ITGA7: variants seen among roughly 807,000 people sequenced by gnomAD.
ITGA7 encodes the protein integrin alpha-7.
Under a neutral mutation model 131.6 loss-of-function variants are expected in ITGA7, and 84 were observed. The ratio of observed to expected loss-of-function variants is 0.64; its 90% CI spans 0.54 to 0.77. The LOEUF is 0.77. Ranked by LOEUF, ITGA7 falls within the 30% of genes least tolerant of loss-of-function variation. ITGA7 has a pLI of 0.00. For missense variants in ITGA7, 1,399 were observed against 1,482.9 expected (o/e 0.94, Z 0.93); for synonymous variants, 548 against 600.7 (o/e 0.91, Z 1.28).
chr12:55,685,172 C>T lies in ITGA7; in HGVS notation c.3300G>A (p.Leu1100=). 6.2e-7 allele frequency: 1 copy of T among 1,614,150 alleles called. No homozygotes were observed. The highest frequency in any genetic ancestry group is 8.5e-7 in the Non-Finnish European group (1 of 1,180,022). Residue 1100 remains leucine, a synonymous_variant, in exon 25 of 25, where the codon CTG becomes CTA. Transcript: ENST00000257879. ...GCCGGGGGCTGCCCCAGTTGTTCCTCAGGATGGTGCCCGTCTTCTCCTCCT... is the reference window on the plus strand; with the variant it reads ...GCCGGGGGCTGCCCCAGTTGTTCCTTAGGATGGTGCCCGTCTTCTCCTCCT... ...QFKEEKTGTI[L]RNNWGSPRRE...
In ITGA7 at chr12:55,685,078, G is replaced by C; in HGVS notation, c.3394C>G (p.Pro1132Ala). 1 of 1,596,206 alleles carries C rather than the reference G, an allele frequency of 6.3e-7. No homozygotes were observed. Among genetic ancestry groups the C allele is most frequent in the Non-Finnish European group, 8.5e-7 (1 of 1,173,374 alleles). The change falls in exon 25 of 25, where the codon CCA (proline) becomes GCA (alanine). Residue 1132 changes from proline (P) to alanine (A), a missense_variant. By Grantham distance (27) the Pro-to-Ala change is conservative. Transcript: ENST00000257879. ...GGAACCTAGGCGGTGCCTGGCCCTG[G>C]ATGCCCATCGGGGCCCAGCTCGGGA... ...GHPELGPDGH[P>A]GPGTA
At position 55,694,417 on chromosome 12, in the gene ITGA7, C is replaced by T. The variant is rs1320532061; in HGVS notation, c.2357+26G>A. 1.2e-6 allele frequency: 2 copies of T among 1,613,726 alleles called. No individual in the cohort carries two copies. The highest frequency in any genetic ancestry group is 2.2e-5 in the South Asian group (2 of 91,080). ...GAGGTCAATATGACTACCCCCACCT[C>T]ACCCTTCCGGCCCCGCCTGGCTTAC... On this transcript the variant is annotated intron_variant, in intron 17 of 24. Coordinates refer to ENST00000257879, the MANE Select transcript of ITGA7 (RefSeq NM_002206.3). The surrounding 1 kb of genome is among the most constrained non-coding windows in gnomAD (Gnocchi z 5.3).
chr12:55,696,827 A>T, intron 12 of ITGA7, 72 bp downstream of exon 12: 1 of 1,557,450 alleles, frequency 6.4e-7, no homozygotes, highest in Non-Finnish European at 8.8e-7. Context: ...GGGAAAAAGC[A>T]GCTAAGAGGA....
At chr12:55,697,172 G>C (rs1194307454) in intron 11 of ITGA7, 44 bp downstream of exon 11, 1 of 1,575,398 alleles carries the variant, frequency 6.3e-7, no homozygotes, top group Non-Finnish European at 8.6e-7. Flanking sequence ...CCCCCTCCCT[G>C]GGAAACCCAA....
chr12:55,694,380 A>G lies in ITGA7; in HGVS notation c.2358-50T>C. 6.2e-7 allele frequency: 1 copy of G among 1,612,950 alleles called. No individual in the cohort carries two copies. The highest frequency in any genetic ancestry group is 8.5e-7 in the Non-Finnish European group (1 of 1,179,126). ...TGGGCATCAGGCACAGGCACCTCCC[A>G]AGGGGTCAGATGAGGTCAATATGAC... On this transcript the variant is annotated intron_variant, in intron 17 of 24. Coordinates refer to ENST00000257879, the MANE Select transcript of ITGA7 (RefSeq NM_002206.3). The surrounding 1 kb of genome is among the most constrained non-coding windows in gnomAD (Gnocchi z 5.3).
chr12:55,686,664 G>A (rs764014166), intron 24 of ITGA7, among the ~76,000 whole-genome samples: 5 of 152,164 alleles, frequency 3.3e-5, no homozygotes, highest in African/African-American at 4.8e-5. Context: ...ATATGACCCC[G>A]GTGATGTATG....
upstream of ITGA7, chr12:55,708,051 C>A: frequency 5.1e-6 from 5 of 982,656 alleles, no homozygotes; most frequent in Non-Finnish European, 6.0e-6. Flanking sequence ...TTGCTGACCC[C>A]CCACCACCAC....
chr12:55,714,486 C>G (rs958090219), upstream of ITGA7, among the ~76,000 whole-genome samples: 1 of 149,402 alleles, frequency 6.7e-6, no homozygotes, highest in Non-Finnish European at 1.5e-5. Flanking sequence ...CCACTGCACT[C>G]CAGCCTGGGC....
Position 55,698,853 on chromosome 12 carries a change from G to A in ITGA7, c.855C>T (p.Ala285=), listed in dbSNP as rs776409106. Residue 285 remains alanine (A), a synonymous_variant, in exon 6 of 25, where the codon GCC becomes GCT. Coordinates refer to ENST00000257879, the MANE Select transcript of ITGA7 (RefSeq NM_002206.3). ...RAEELSFVAG[A]PRANHKGAVV... is the part of the protein sequence containing the mutation. ...CAGCACCCTTGTGGTTGGCGCGGGG[G>A]GCTCCAGCCACAAAGCTCAGCTCTT... 1.2e-6 allele frequency: 2 copies of A among 1,613,644 alleles called. No homozygotes were observed. The highest frequency in any genetic ancestry group is 1.6e-4 in the Middle Eastern group (1 of 6,062).
At chr12:55,695,082 C>A (rs948662252) in intron 14 of ITGA7, 112 bp from the exon 15 acceptor site, 4 of 1,065,716 alleles carry the variant, frequency 3.8e-6, no homozygotes, top group Non-Finnish European at 5.5e-6. Context: ...CTCTTCCCAC[C>A]CCAGGTCCCC....
chr12:55,687,838 G>T, intron 24 of ITGA7, 133 bp downstream of exon 24: 1 of 1,219,694 alleles, frequency 8.2e-7, no homozygotes. Flanking sequence ...GAGTTCCTGA[G>T]ACATGCAGGG....
chr12:55,700,024 C>A, intron 4 of ITGA7, 35 bp from the exon 5 acceptor site: 1 of 1,612,300 alleles, frequency 6.2e-7, no homozygotes, highest in Non-Finnish European at 8.5e-7. Context: ...AGGGAGGGGA[C>A]ATCCAGAGTA....
upstream of ITGA7, chr12:55,712,036 C>T (rs757239983): frequency 7.7e-5 from 118 of 1,534,566 alleles, no homozygotes; most frequent in Non-Finnish European, 9.9e-5. Flanking sequence ...AACATGCACA[C>T]CATGAGAACT....
intron 4 of ITGA7, 100 bp downstream of exon 4, chr12:55,700,799 T>G: frequency 6.9e-7 from 1 of 1,458,642 alleles, no homozygotes; most frequent in African/African-American, 1.4e-5. Flanking sequence ...CATACAGCAG[T>G]GCACATGTGG....
chr12:55,687,169 C>CT (rs1187388992), intron 24 of ITGA7, among the ~76,000 whole-genome samples: 2,364 of 88,208 alleles, frequency 0.027, 262 homozygotes, highest in African/African-American at 0.035. Flanking sequence ...CATCTGATTT[C>CT]TTTTTTTTTT....
chr12:55,713,995 G>T (rs1354866411), upstream of ITGA7, among the ~76,000 whole-genome samples: 1 of 152,204 alleles, frequency 6.6e-6, no homozygotes, highest in African/African-American at 2.4e-5. Flanking sequence ...ATGAGAGAAT[G>T]CCAAAGCTGG....
chr12:55,697,434 ACCC>A lies in ITGA7; in HGVS notation c.1505+14_1505+16del. The A allele has an allele frequency of 6.2e-7, 1 of 1,612,568 alleles. No individual in the cohort carries two copies. The highest frequency in any genetic ancestry group is 1.3e-5 in the African/African-American group (1 of 74,978). Reference sequence around the variant, plus strand: ...GGGAAGCTGCCAGGGTCCAGGTGCCACCCGATCCCACCTCACCAGACCGAGTGG... The same window carrying A: ...GGGAAGCTGCCAGGGTCCAGGTGCCAGATCCCACCTCACCAGACCGAGTGG... On this transcript the variant is annotated intron_variant, in intron 10 of 24. Coordinates refer to ENST00000257879, the MANE Select transcript of ITGA7 (RefSeq NM_002206.3).
upstream of ITGA7, among the ~76,000 whole-genome samples, chr12:55,714,608 C>A (rs1876372161): frequency 2.0e-5 from 3 of 151,210 alleles, no homozygotes; most frequent in South Asian, 6.3e-4. Context: ...ATCGCTTGAA[C>A]CTGGGAGGTG....
At chr12:55,706,034 G>C (rs1875107412) in intron 1 of ITGA7, among the ~76,000 whole-genome samples, 2 of 152,180 alleles carry the variant, frequency 1.3e-5, no homozygotes, top group Admixed American at 1.3e-4. Context: ...AGGCCCTCTG[G>C]GAAAGGCCCC....
Sources: allele counts gnomAD v4.1 joint callset (sites outside exome capture counted in the v4.1 genomes callset), GRCh38; gene constraint gnomAD v4.1.1; non-coding constraint Gnocchi (gnomAD v3.1); transcripts MANE v1.5; gene names NCBI Gene and HGNC (gene_info 2026-07-23, HGNC 2026-07-21).